Variants in DDX60L observed in about 807,000 individuals in gnomAD.
DDX60L encodes probable ATP-dependent RNA helicase DDX60-like.
Under a neutral mutation model 211.6 loss-of-function variants are expected in DDX60L, and 191 were observed. The ratio of observed to expected loss-of-function variants is 0.90; its 90% CI spans 0.80 to 1.02. The LOEUF is 1.02. Ranked by LOEUF, DDX60L falls within the 50% of genes least tolerant of loss-of-function variation. The pLI is 0.00. For missense variants in DDX60L, 2,007 were observed against 1,984.1 expected (o/e 1.01, Z -0.22); for synonymous variants, 706 against 694.1 (o/e 1.02, Z -0.27).
chr4:168,442,990 G>A (rs376865088), intron 9 of DDX60L, among the ~76,000 whole-genome samples: 11 of 152,184 alleles, frequency 7.2e-5, no homozygotes, highest in South Asian at 4.1e-4. Context: ...CCAAAGGAAC[G>A]CAGTTCCTCA....
chr4:168,381,776 T>C (rs1743003721), intron 30 of DDX60L, among the ~76,000 whole-genome samples: 2 of 152,130 alleles, frequency 1.3e-5, no homozygotes, highest in South Asian at 4.1e-4. Flanking sequence ...TGAAGACTAA[T>C]GGCTCAAATC....
At chr4:168,397,140 G>C (rs1745944041) in intron 26 of DDX60L, among the ~76,000 whole-genome samples, 1 of 152,274 alleles carries the variant, frequency 6.6e-6, no homozygotes, top group Middle Eastern at 3.4e-3. Context: ...TCAACATCCT[G>C]ATCTTGGACT....
intron 13 of DDX60L, among the ~76,000 whole-genome samples, chr4:168,428,077 G>T (rs187078388): frequency 6.6e-6 from 1 of 152,342 alleles, no homozygotes; most frequent in Non-Finnish European, 1.5e-5. Flanking sequence ...AGCTGGGTGA[G>T]GCCCTTGCAC....
At chr4:168,391,398 C>T in intron 29 of DDX60L, 142 bp downstream of exon 29, 1 of 602,232 alleles carries the variant, frequency 1.7e-6, no homozygotes, top group East Asian at 2.8e-5. Context: ...AGATATGAGG[C>T]CACTCAACTC....
At chr4:168,414,821 C>G (rs1749263332) in intron 22 of DDX60L, among the ~76,000 whole-genome samples, 1 of 151,526 alleles carries the variant, frequency 6.6e-6, no homozygotes, top group African/African-American at 2.4e-5. Context: ...CAATGGAATG[C>G]ATGGAGACAG....
intron 32 of DDX60L, among the ~76,000 whole-genome samples, chr4:168,379,074 A>G (rs902178917): frequency 5.9e-5 from 9 of 152,196 alleles, no homozygotes; most frequent in African/African-American, 2.2e-4. Context: ...CTAAAATCAT[A>G]TGACCATCAG....
intron 26 of DDX60L, among the ~76,000 whole-genome samples, chr4:168,399,818 C>T (rs572010735): frequency 3.9e-5 from 6 of 152,216 alleles, no homozygotes; most frequent in Admixed American, 2.0e-4. Context: ...CCCAAGCATA[C>T]GATTGGTATG....
At chr4:168,400,759 C>T in intron 26 of DDX60L, 67 bp downstream of exon 26, 1 of 1,357,492 alleles carries the variant, frequency 7.4e-7, no homozygotes, top group South Asian at 1.4e-5. Flanking sequence ...CTAAACATTT[C>T]TGACAGTGTC....
At chr4:168,446,449 T>C (rs1375011655) in intron 9 of DDX60L, among the ~76,000 whole-genome samples, 1 of 152,162 alleles carries the variant, frequency 6.6e-6, no homozygotes, top group Non-Finnish European at 1.5e-5. Context: ...AAAATGGCCA[T>C]ACTGCCCAAG....
chr4:168,401,980 T>A (rs921394585), intron 25 of DDX60L, among the ~76,000 whole-genome samples: 3 of 152,120 alleles, frequency 2.0e-5, no homozygotes, highest in African/African-American at 7.2e-5. Context: ...TACCATGACG[T>A]TATGAGGAAG....
At chr4:168,391,484 G>A in intron 29 of DDX60L, 56 bp downstream of exon 29, 2 of 1,140,458 alleles carry the variant, frequency 1.8e-6, no homozygotes, top group South Asian at 1.3e-5. Flanking sequence ...GTGCCACATG[G>A]TTCATTATTT....
At chr4:168,456,674 G>A (rs1175334340) in intron 6 of DDX60L, among the ~76,000 whole-genome samples, 2 of 152,072 alleles carry the variant, frequency 1.3e-5, no homozygotes, top group African/African-American at 4.8e-5. Context: ...TAAATATGTT[G>A]ATGCCTTATG....
At position 168,415,483 on chromosome 4, in the gene DDX60L, CT is replaced by C; in HGVS notation, c.2903del (p.Lys968SerfsTer6). On this transcript the variant is annotated frameshift_variant, in exon 22 of 38. Transcript: ENST00000682922. LOFTEE classifies it high-confidence loss of function. ...LCGERYNDLE[K>X]HICSVKHDDV... ...CATCATGTTTTACTGAACATATATGCTTCTCTAAATCATTGTATCTCTCTCC... is the reference window on the plus strand; with the variant it reads ...CATCATGTTTTACTGAACATATATGCTCTCTAAATCATTGTATCTCTCTCC... 6.2e-7 allele frequency: 1 copy of C among 1,603,218 alleles called. No individual in the cohort carries two copies. The highest frequency in any genetic ancestry group is 1.1e-5 in the South Asian group (1 of 89,600).
At chr4:168,398,613 T>G (rs1746245164) in intron 26 of DDX60L, among the ~76,000 whole-genome samples, 1 of 152,172 alleles carries the variant, frequency 6.6e-6, no homozygotes, top group Non-Finnish European at 1.5e-5. Flanking sequence ...GAGTGGGAAC[T>G]TAACGGTGCT....
intron 9 of DDX60L, among the ~76,000 whole-genome samples, chr4:168,445,435 A>C (rs1354601473): frequency 2.0e-5 from 3 of 152,008 alleles, no homozygotes; most frequent in East Asian, 1.9e-4. Flanking sequence ...TTCACAGCCA[A>C]ATTCTACCAG....
rs189444514 is a variant in DDX60L, at chr4:168,442,308, C to T, written c.1139-816G>A. On this transcript the variant is annotated intron_variant, in intron 9 of 37. Coordinates refer to ENST00000682922, the MANE Select transcript of DDX60L (RefSeq NM_001012967.3). ...GCACTTTTGCGACGGGCTTAAAAAA[C>T]GGCGCACCACGAGATTATATCCCGC... 4.4e-4 allele frequency among the ~76,000 whole-genome samples: 67 copies of T among 152,266 alleles called. 1 individual carries two copies. In the East Asian group the frequency reaches 0.011, roughly 26 times the overall value.
chr4:168,477,126 G>T (rs1284705240), intron 1 of DDX60L, among the ~76,000 whole-genome samples: 3 of 152,158 alleles, frequency 2.0e-5, no homozygotes, highest in Admixed American at 6.5e-5. Flanking sequence ...GTACAAAAGT[G>T]AAATCTTGGC....
At chr4:168,369,728 C>T (rs1326412453) in intron 36 of DDX60L, among the ~76,000 whole-genome samples, 4 of 151,468 alleles carry the variant, frequency 2.6e-5, no homozygotes, top group Admixed American at 2.6e-4. Flanking sequence ...AACATAACAG[C>T]AAAAAAAATC....
At chr4:168,389,838 G>C (rs1296518763) in intron 29 of DDX60L, among the ~76,000 whole-genome samples, 1 of 152,150 alleles carries the variant, frequency 6.6e-6, no homozygotes, top group Non-Finnish European at 1.5e-5. Context: ...TGACAAAACT[G>C]AGATGCATGA....
Sources: allele counts gnomAD v4.1 joint callset (sites outside exome capture counted in the v4.1 genomes callset), GRCh38; gene constraint gnomAD v4.1.1; transcripts MANE v1.5; gene names NCBI Gene and HGNC (gene_info 2026-07-23, HGNC 2026-07-21).